KIF13B: variants seen among roughly 807,000 people sequenced by gnomAD.
The protein encoded by KIF13B is kinesin-like protein KIF13B.
A neutral mutation model predicts 222.0 loss-of-function variants in KIF13B; 127 were observed. The observed-to-expected ratio is 0.57, with a 90% CI of 0.50 to 0.66. The LOEUF is 0.66. Among genes scored for constraint, KIF13B ranks in the 30% least tolerant of loss-of-function variants. The probability of loss-of-function intolerance (pLI) is 0.00; values close to 1 mark genes in which losing one functional copy is unlikely to be tolerated. For missense variants in KIF13B, 2,173 were observed against 2,379.0 expected, an observed-to-expected ratio of 0.91 and a Z score of 1.80; for synonymous variants, 976 against 919.0, an observed-to-expected ratio of 1.06 and a Z score of -1.12.
Position 29,160,678 on chromosome 8 carries a change from T to C in KIF13B, c.1404+55A>G. The C allele has an allele frequency of 4.6e-6, 7 of 1,524,482 alleles. No homozygotes were observed. In the South Asian group the frequency reaches 8.7e-5, roughly 19 times the overall value. 94.4% of individuals were successfully genotyped at this position (1,524,482 alleles called of 1,614,324 possible). On this transcript the variant is annotated intron_variant, in intron 13 of 39. Transcript: ENST00000524189. ...GTTCCCCAAGTTTACTAAAGTACTG[T>C]GAAATATTGTCCTATTTTGTAACAA...
intron 2 of KIF13B, among the ~76,000 whole-genome samples, chr8:29,244,095 C>T (rs563527763): frequency 4.6e-5 from 7 of 151,852 alleles, no homozygotes; most frequent in Non-Finnish European, 8.8e-5. Flanking sequence ...CTCACTGCAA[C>T]CTCTGCCTCC....
chr8:29,246,222 C>CA, intron 1 of KIF13B, among the ~76,000 whole-genome samples: 1 of 151,938 alleles, frequency 6.6e-6, no homozygotes, highest in Non-Finnish European at 1.5e-5. Context: ...ACTAAAAATA[C>CA]AAAAATCAGC....
chr8:29,144,414 C>T (rs777379167), intron 18 of KIF13B, among the ~76,000 whole-genome samples: 8 of 152,142 alleles, frequency 5.3e-5, no homozygotes, highest in East Asian at 3.9e-4. Context: ...CCTGCCACCA[C>T]GCCTGGCTGA....
chr8:29,148,453 C>A, intron 16 of KIF13B, 124 bp downstream of exon 16: 1 of 532,768 alleles, frequency 1.9e-6, no homozygotes, highest in South Asian at 4.6e-5. Flanking sequence ...GGCTAAAGAG[C>A]AGTGGTTATT....
At position 29,180,122 on chromosome 8, in the gene KIF13B, G is replaced by A. The variant is rs533716775; in HGVS notation, c.702C>T (p.Leu234=). The A allele has an allele frequency of 2.5e-6, 4 of 1,613,964 alleles. No homozygotes were observed. In the African/African-American group the frequency reaches 4.0e-5, roughly 16 times the overall value. The change falls in exon 8 of 40, where the codon CTC becomes CTT. Residue 234 remains leucine, a synonymous_variant. Coordinates refer to ENST00000524189, the MANE Select transcript of KIF13B (RefSeq NM_015254.4). The part of the protein sequence containing the change: ...AVFKITLTHT[L]YDVKSGTSGE... ...CACCTACCCCAGACTTCACATCGTA[G>A]AGAGTATGTGTGAGGGTGATTTTGA...
intron 13 of KIF13B, among the ~76,000 whole-genome samples, chr8:29,157,114 G>T (rs1188900335): frequency 1.3e-5 from 2 of 151,804 alleles, no homozygotes. Context: ...TCAAGAATAA[G>T]CTTGTGATCC....
Position 29,070,648 on chromosome 8 carries a change from T to C in KIF13B, c.5337A>G (p.Thr1779=), listed in dbSNP as rs774851415. 5.1e-6 allele frequency: 8 copies of C among 1,564,912 alleles called. No individual in the cohort carries two copies. Among genetic ancestry groups the C allele is most frequent in the South Asian group, 4.7e-5 (4 of 85,914 alleles). The change falls in exon 40 of 40, where the codon ACA becomes ACG. Residue 1779 remains threonine (T), a synonymous_variant. Coordinates refer to ENST00000524189, the MANE Select transcript of KIF13B (RefSeq NM_015254.4). This position sits in a 1 kb window ranked among gnomAD's most constrained non-coding sequence, Gnocchi z 4.1. ...CCTCGGGGGCACCCAGCCGGAGTCC[T>C]GTGCTGCGCCGCCGCACAGGGCCCG... is the stretch of plus-strand genomic sequence containing the variant. ...RATGPVRRRS[T]GLRLGAPEAR...
chr8:29,121,506 T>G (rs373810668), intron 29 of KIF13B, among the ~76,000 whole-genome samples: 2,029 of 73,516 alleles, frequency 0.028, 35 homozygotes, highest in Middle Eastern at 0.043. Context: ...TAGCCATATG[T>G]AGAAAGCTGA....
intron 7 of KIF13B, among the ~76,000 whole-genome samples, chr8:29,181,046 A>G (rs1288009903): frequency 6.6e-6 from 1 of 152,176 alleles, no homozygotes; most frequent in East Asian, 1.9e-4. Flanking sequence ...AAGAGACTAC[A>G]TTTCCCAGAT....
At chr8:29,105,650 GTTTT>G (rs869030059) in intron 35 of KIF13B, among the ~76,000 whole-genome samples, 554 of 77,988 alleles carry the variant, frequency 7.1e-3, no homozygotes, top group South Asian at 0.056. Context: ...AGTTTGTTTG[GTTTT>G]TTTTTTTTTT....
At chr8:29,246,613 A>C (rs1186823621) in intron 1 of KIF13B, among the ~76,000 whole-genome samples, 1 of 152,196 alleles carries the variant, frequency 6.6e-6, no homozygotes, top group East Asian at 1.9e-4. Flanking sequence ...AGGTCTGACA[A>C]TACATACAGA....
chr8:29,201,990 A>G (rs1813712332), intron 2 of KIF13B, among the ~76,000 whole-genome samples: 1 of 152,250 alleles, frequency 6.6e-6, no homozygotes, highest in African/African-American at 2.4e-5. Flanking sequence ...AGAAGTACAA[A>G]TATCACAAAA....
At chr8:29,096,434 G>T (rs1471495504) in intron 36 of KIF13B, among the ~76,000 whole-genome samples, 6 of 151,246 alleles carry the variant, frequency 4.0e-5, no homozygotes, top group African/African-American at 4.9e-5. Context: ...TGAGTAGAGG[G>T]ACTACAAGTG....
At chr8:29,163,092 T>C (rs775753115) in intron 12 of KIF13B, among the ~76,000 whole-genome samples, 1 of 152,234 alleles carries the variant, frequency 6.6e-6, no homozygotes, top group Admixed American at 6.5e-5. Flanking sequence ...GTGTATCTTT[T>C]AATGGGAACA....
At chr8:29,101,419 T>C (rs1808780073) in intron 35 of KIF13B, among the ~76,000 whole-genome samples, 1 of 152,196 alleles carries the variant, frequency 6.6e-6, no homozygotes, top group Non-Finnish European at 1.5e-5. Flanking sequence ...ACTAAGCCGC[T>C]GATCTGGAGT....
upstream of KIF13B, chr8:29,263,130 C>A: frequency 3.0e-6 from 1 of 338,764 alleles, no homozygotes; most frequent in South Asian, 2.3e-5. Flanking sequence ...GGGGCGGAGC[C>A]GGGGGTGGGG....
chr8:29,188,633 G>T, intron 4 of KIF13B, 26 bp from the exon 5 acceptor site: 2 of 1,485,526 alleles, frequency 1.3e-6, no homozygotes, highest in South Asian at 2.4e-5. Flanking sequence ...TAAGAGAAAA[G>T]ATATTTTAAG....
rs1273115817 is a variant in KIF13B at position 29,071,098 on chromosome 8, C to T, written c.5219-332G>A. Reference sequence around the variant, plus strand: ...GTGCAGGCCAGCCACTAAGGCACAACCGGCCCGCCTCGTGCGGGAACAGAC... The same window carrying T: ...GTGCAGGCCAGCCACTAAGGCACAATCGGCCCGCCTCGTGCGGGAACAGAC... On this transcript the variant is annotated intron_variant, in intron 39 of 39. Transcript: ENST00000524189. This position sits in a 1 kb window ranked among gnomAD's most constrained non-coding sequence, Gnocchi z 4.9. Among the ~76,000 whole-genome samples, 4 of 152,342 alleles carry T rather than the reference C, an allele frequency of 2.6e-5. No individual in the cohort carries two copies. The highest frequency in any genetic ancestry group is 3.9e-4 in the East Asian group (2 of 5,180).
intron 2 of KIF13B, among the ~76,000 whole-genome samples, chr8:29,222,810 T>C (rs1284147848): frequency 6.6e-6 from 1 of 152,072 alleles, no homozygotes; most frequent in East Asian, 1.9e-4. Flanking sequence ...CTTAACCTGT[T>C]ATACACAGAA....
Sources: gnomAD v4.1 joint callset for allele counts (sites outside exome capture counted in the v4.1 genomes callset) on GRCh38, gnomAD v4.1.1 for gene constraint, Gnocchi (gnomAD v3.1) non-coding constraint, MANE v1.5 for transcripts, NCBI Gene and HGNC (gene_info 2026-07-23, HGNC 2026-07-21) for gene names.